Variants in NAV3 observed in about 807,000 individuals in gnomAD.
The protein encoded by NAV3 is pore membrane and/or filament interacting like protein 1.
A neutral mutation model predicts 244.7 loss-of-function variants in NAV3; 87 were observed. The observed-to-expected ratio is 0.36, with a 90% CI of 0.30 to 0.42. The LOEUF (loss-of-function observed/expected upper bound fraction) is 0.42. NAV3 is among the 20% of genes least tolerant of loss of function. The probability of loss-of-function intolerance (pLI) is 1.00; values close to 1 mark genes in which losing one functional copy is unlikely to be tolerated. For synonymous variants in NAV3, 1,126 were observed against 1,042.2 expected, an observed-to-expected ratio of 1.08 and a Z score of -1.55; for missense variants, 2,663 against 2,893.3, an observed-to-expected ratio of 0.92 and a Z score of 1.83.
chr12:77,736,294 G>A (rs1877331402), intron 2 of NAV3, among the ~76,000 whole-genome samples: 1 of 152,206 alleles, frequency 6.6e-6, no homozygotes, highest in African/African-American at 2.4e-5. Flanking sequence ...TCCGGAGCCA[G>A]AAGCAAACTG....
Position 78,168,853 on chromosome 12 carries a change from C to A in NAV3, c.4968C>A (p.Asp1656Glu). The stretch of plus-strand genomic sequence containing the variant: ...TTCAGGGAGCACTGAATGGTCCAGA[C>A]CATCCTCCCAAAGGTATATTTAGAA... ...AAIQGALNGP[D>E]HPPKDLRIRR... The change falls in exon 24 of 40, where the codon GAC becomes GAA. Residue 1656 changes from aspartate (D) to glutamate (E), a missense_variant. This residue lies in a region of NAV3 where 193 missense variants were observed against 200.7 expected (regional missense o/e 0.96). Coordinates refer to ENST00000397909, the MANE Select transcript of NAV3 (RefSeq NM_001024383.2). 1 of 1,601,856 alleles carries A rather than the reference C, an allele frequency of 6.2e-7. No individual in the cohort carries two copies. The highest frequency in any genetic ancestry group is 8.5e-7 in the Non-Finnish European group (1 of 1,173,650).
intron 12 of NAV3, among the ~76,000 whole-genome samples, chr12:78,065,374 C>T (rs1884889893): frequency 6.6e-6 from 1 of 152,142 alleles, no homozygotes; most frequent in African/African-American, 2.4e-5. Context: ...TTTGTTTAAA[C>T]CACTCTGTGA....
chr12:77,640,875 T>C (rs983628547), intron 2 of NAV3, among the ~76,000 whole-genome samples: 3 of 152,126 alleles, frequency 2.0e-5, no homozygotes, highest in East Asian at 3.8e-4. Flanking sequence ...ATGAGCTCCA[T>C]GCAATTTTTG....
At chr12:77,929,701 C>T (rs914835987) in intron 1 of NAV3, among the ~76,000 whole-genome samples, 97 of 151,560 alleles carry the variant, frequency 6.4e-4, no homozygotes, top group Non-Finnish European at 3.2e-4. Context: ...AGCATGATCT[C>T]GGCTCATTGC....
At chr12:77,772,229 T>C (rs1237101552) in intron 2 of NAV3, among the ~76,000 whole-genome samples, 1 of 152,194 alleles carries the variant, frequency 6.6e-6, no homozygotes, top group Non-Finnish European at 1.5e-5. Context: ...CTGATTTCTA[T>C]GGCACACTGA....
At chr12:77,833,493 A>G (rs2136098712) in intron 1 of NAV3, among the ~76,000 whole-genome samples, 1 of 152,322 alleles carries the variant, frequency 6.6e-6, no homozygotes, top group East Asian at 1.9e-4. Flanking sequence ...AAACCTCTAG[A>G]GGGATCATGC....
At chr12:78,160,378 AGTGT>A (rs10628612) in intron 23 of NAV3, among the ~76,000 whole-genome samples, 18 of 134,022 alleles carry the variant, frequency 1.3e-4, no homozygotes, top group East Asian at 2.6e-4. Context: ...AATTCTATGG[AGTGT>A]GTGTGTGTGT....
chr12:78,014,705 G>A (rs184505798), intron 8 of NAV3, among the ~76,000 whole-genome samples: 1 of 152,190 alleles, frequency 6.6e-6, no homozygotes, highest in Admixed American at 6.6e-5. Context: ...TTTTAAGTTT[G>A]GCTTATTTGT....
intron 5 of NAV3, among the ~76,000 whole-genome samples, chr12:77,980,291 C>T (rs1869332581): frequency 6.6e-6 from 1 of 151,966 alleles, no homozygotes; most frequent in African/African-American, 2.4e-5. Flanking sequence ...GACAATTGGG[C>T]TGGTTTGATT....
chr12:77,624,320 C>T (rs896176533), intron 2 of NAV3, among the ~76,000 whole-genome samples: 19 of 151,994 alleles, frequency 1.3e-4, no homozygotes, highest in African/African-American at 3.9e-4. Context: ...AGAGAACTAG[C>T]GGAAAGTTGC....
Position 78,119,314 on chromosome 12 carries a change from G to T in NAV3, c.3118G>T (p.Asp1040Tyr), listed in dbSNP as rs1955563145. ...ATCATCTCTACAAAGATCTCCTTCA[G>T]ATGCAGGAAAAAGCAGTGGAGATGA... ...KGSSLQRSPS[D>Y]AGKSSGDEGK... The change falls in exon 15 of 40, where the codon GAT (aspartate) becomes TAT (tyrosine). Residue 1040 changes from aspartate to tyrosine, a missense_variant. Coordinates refer to ENST00000397909, the MANE Select transcript of NAV3 (RefSeq NM_001024383.2). The T allele has an allele frequency of 6.2e-7, 1 of 1,614,164 alleles. No individual in the cohort carries two copies. The highest frequency in any genetic ancestry group is 8.5e-7 in the Non-Finnish European group (1 of 1,180,026).
chr12:77,741,148 C>CAAAAAAAAAAAAAAAAAAAAAAAAGAAAA, intron 2 of NAV3, among the ~76,000 whole-genome samples: 1 of 68,668 alleles, frequency 1.5e-5, no homozygotes, highest in Non-Finnish European at 2.7e-5. Flanking sequence ...AAAAAAAAGA[C>CAAAAAAAAAAAAAAAAAAAAAAAAGAAAA]AAAAAAAAAA....
At chr12:78,158,103 C>T (rs916088756) in intron 22 of NAV3, among the ~76,000 whole-genome samples, 3 of 151,982 alleles carry the variant, frequency 2.0e-5, no homozygotes, top group African/African-American at 7.2e-5. Flanking sequence ...TAGTAGGTGC[C>T]TCAGCATTTC....
At chr12:77,768,737 G>A (rs1013695488) in intron 2 of NAV3, among the ~76,000 whole-genome samples, 40 of 152,170 alleles carry the variant, frequency 2.6e-4, no homozygotes, top group African/African-American at 9.4e-4. Context: ...GCTATGCCTG[G>A]GAGGGCGGGC....
intron 3 of NAV3, among the ~76,000 whole-genome samples, chr12:77,960,476 C>T (rs184943163): frequency 2.2e-4 from 33 of 148,930 alleles, no homozygotes; most frequent in Non-Finnish European, 3.7e-4. Flanking sequence ...CACACATATA[C>T]ATAAACACAT....
chr12:78,108,595 T>C (rs1954926097), intron 12 of NAV3, among the ~76,000 whole-genome samples: 1 of 152,118 alleles, frequency 6.6e-6, no homozygotes, highest in Non-Finnish European at 1.5e-5. Context: ...AAAGTTGAAA[T>C]CATATCACAT....
At chr12:77,827,447 T>C (rs7302683), upstream of NAV3, among the ~76,000 whole-genome samples, 22,454 of 152,052 alleles carry the variant, frequency 0.15, 3,745 homozygotes, top group African/African-American at 0.41. Context: ...ATTACTGATA[T>C]TAAAATTTAG....
At chr12:77,788,178 T>A (rs1217876392) in intron 2 of NAV3, among the ~76,000 whole-genome samples, 1 of 152,226 alleles carries the variant, frequency 6.6e-6, no homozygotes, top group Non-Finnish European at 1.5e-5. Flanking sequence ...TAGACCCAAA[T>A]AACATCTTTA....
At position 78,128,851 on chromosome 12, in the gene NAV3, C is replaced by T. The variant is rs1467135677; in HGVS notation, c.4426C>T (p.His1476Tyr). The change falls in exon 18 of 40, where the codon CAC becomes TAC. Residue 1476 changes from histidine to tyrosine, a missense_variant. Transcript: ENST00000397909. ...GTCATCTTCTGCAGCTGGAAAATAC[C>T]ACTTTTCTAACTTGGGTAAAATATT... The part of the protein sequence containing the change: ...AMSSSAAGKY[H>Y]FSNLVSPTNL... The T allele has an allele frequency of 6.2e-7, 1 of 1,613,106 alleles. No homozygotes were observed. The highest frequency in any genetic ancestry group is 1.3e-5 in the African/African-American group (1 of 74,872).
Sources: gnomAD v4.1 joint callset for allele counts (sites outside exome capture counted in the v4.1 genomes callset) on GRCh38, gnomAD v4.1.1 for gene constraint, gnomAD v4.1.1 regional missense constraint, MANE v1.5 for transcripts, NCBI Gene and HGNC (gene_info 2026-07-23, HGNC 2026-07-21) for gene names.